CFH: variants seen among roughly 807,000 people sequenced by gnomAD.
CFH encodes H factor 1 (complement).
CFH carries 53 observed loss-of-function variants against 147.3 expected under a neutral mutation model. The ratio of observed to expected loss-of-function variants is 0.36; its 90% confidence interval spans 0.29 to 0.45. The LOEUF (loss-of-function observed/expected upper bound fraction) is 0.45. Ranked by LOEUF, CFH falls within the 20% of genes least tolerant of loss-of-function variation. The pLI is 1.00. For missense variants in CFH, 1,380 were observed against 1,498.0 expected (o/e 0.92, Z 1.30); for synonymous variants, 536 against 489.4 (o/e 1.10, Z -1.26).
intron 2 of CFH, 37 bp from the exon 3 acceptor site, chr1:196,673,819 TA>T (rs1207678423): frequency 3.3e-6 from 4 of 1,214,168 alleles, no homozygotes; most frequent in Non-Finnish European, 4.9e-6. Flanking sequence ...TATTCCTTGC[TA>T]TTACATACTA....
intron 11 of CFH, among the ~76,000 whole-genome samples, chr1:196,716,252 TAGA>T (rs1306439354): frequency 2.6e-5 from 4 of 152,124 alleles, no homozygotes; most frequent in Admixed American, 1.3e-4. Context: ...TTTTCAGGGT[TAGA>T]AGAAGGATTG....
At chr1:196,698,115 T>C (rs886546172) in intron 9 of CFH, among the ~76,000 whole-genome samples, 1 of 151,996 alleles carries the variant, frequency 6.6e-6, no homozygotes, top group Non-Finnish European at 1.5e-5. Flanking sequence ...GTAACTAACC[T>C]GCACGTAGTG....
intron 15 of CFH, among the ~76,000 whole-genome samples, chr1:196,734,244 T>C (rs1669346060): frequency 6.6e-6 from 1 of 152,152 alleles, no homozygotes; most frequent in Non-Finnish European, 1.5e-5. Flanking sequence ...TGTTGCCTGT[T>C]AAGTAGGAGT....
rs750250883 is a variant in CFH, at chr1:196,652,112, C to CA, written c.1dup. On this transcript the variant is annotated 5_prime_UTR_variant, in exon 1 of 22. Coordinates refer to ENST00000367429, the MANE Select transcript of CFH (RefSeq NM_000186.4). ...CTGGTAAATGTCCTCTTAAAAGATCCAAAAAATGAGACTTCTAGCAAAGAT... is the reference window on the plus strand; with the variant it reads ...CTGGTAAATGTCCTCTTAAAAGATCCAAAAAAATGAGACTTCTAGCAAAGAT... The CA allele has an allele frequency of 1.2e-6, 2 of 1,605,866 alleles. No homozygotes were observed. Among genetic ancestry groups the CA allele is most frequent in the Non-Finnish European group, 1.7e-6 (2 of 1,172,684 alleles).
chr1:196,711,446 G>A (rs1419164326), intron 9 of CFH, among the ~76,000 whole-genome samples: 1 of 151,898 alleles, frequency 6.6e-6, no homozygotes, highest in Admixed American at 6.6e-5. Flanking sequence ...GGTGTGAAGA[G>A]GGTATTATTA....
At chr1:196,667,653 T>A (rs534751517) in intron 1 of CFH, among the ~76,000 whole-genome samples, 1 of 152,244 alleles carries the variant, frequency 6.6e-6, no homozygotes, top group African/African-American at 2.4e-5. Context: ...TTTGTATGTT[T>A]AGTATGGTGA....
chr1:196,714,027 A>G, intron 10 of CFH, 110 bp downstream of exon 10: 2 of 971,976 alleles, frequency 2.1e-6, no homozygotes, highest in Non-Finnish European at 3.1e-6. Flanking sequence ...GATAAGAAAA[A>G]AAAACCTGCA....
In CFH at chr1:196,736,939, T is replaced by C; in HGVS notation, c.2529T>C (p.Tyr843=). The change falls in exon 16 of 22, where the codon TAT becomes TAC. Residue 843 remains tyrosine (Y), a synonymous_variant. Transcript: ENST00000367429. ...EKVSVLCQEN[Y]LIQEGEEITC... is the part of the protein sequence containing the mutation. ...TATCTGTTCTTTGCCAAGAAAATTA[T>C]CTAATTCAGGAAGGAGAAGAAATTA... 3 of 1,612,082 alleles carry C rather than the reference T, an allele frequency of 1.9e-6. No individual in the cohort carries two copies. Among genetic ancestry groups the C allele is most frequent in the South Asian group, 2.2e-5 (2 of 90,970 alleles).
Position 196,747,403 on chromosome 1 carries a change from T to C in CFH, c.*90T>C. On this transcript the variant is annotated 3_prime_UTR_variant, in exon 22 of 22. Coordinates refer to ENST00000367429, the MANE Select transcript of CFH (RefSeq NM_000186.4). ...TTTTATGTATTGTTTTACTCCTTTT[T>C]ATTCATACGTAAAATTTTGGATTAA... 1.3e-6 allele frequency: 2 copies of C among 1,505,450 alleles called. No individual in the cohort carries two copies. Among genetic ancestry groups the C allele is most frequent in the Non-Finnish European group, 1.8e-6 (2 of 1,094,632 alleles). The allele number at this position is 1,505,450 out of a possible 1,614,324, so 93.3% of individuals were successfully genotyped here.
chr1:196,666,591 G>A (rs952492722), intron 1 of CFH, among the ~76,000 whole-genome samples: 1 of 151,588 alleles, frequency 6.6e-6, no homozygotes, highest in Non-Finnish European at 1.5e-5. Flanking sequence ...GAGGTCAGGA[G>A]ATTGAGACCA....
chr1:196,690,496 T>C, intron 9 of CFH: 2 of 521,324 alleles, frequency 3.8e-6, no homozygotes, highest in Non-Finnish European at 6.9e-6. Flanking sequence ...ACAATACTTG[T>C]TGGTTAAATG....
intron 9 of CFH, among the ~76,000 whole-genome samples, chr1:196,702,608 C>A (rs946730000): frequency 6.6e-6 from 1 of 151,068 alleles, no homozygotes; most frequent in Non-Finnish European, 1.5e-5. Context: ...GAGCAGGCAC[C>A]CCCAATTTGC....
chr1:196,726,623 G>A lies in CFH; in HGVS notation c.2027G>A (p.Gly676Glu), dbSNP rs1558178947. The A allele has an allele frequency of 1.2e-6, 2 of 1,611,790 alleles. No homozygotes were observed. Among genetic ancestry groups the A allele is most frequent in the Non-Finnish European group, 1.7e-6 (2 of 1,178,100 alleles). ...CCTAATAAAATTCAATGTGTTGATGGAGAGTGGACAACTTTACCAGTGTGT... is the reference window on the plus strand; with the variant it reads ...CCTAATAAAATTCAATGTGTTGATGAAGAGTGGACAACTTTACCAGTGTGT... ...KGPNKIQCVDGEWTTLPVCIV... is the reference protein window; with the variant it reads ...KGPNKIQCVDEEWTTLPVCIV... Residue 676 changes from glycine to glutamate, a missense_variant, in exon 13 of 22, where the codon GGA (glycine) becomes GAA (glutamate). Physicochemically the swap from Gly to Glu is moderately conservative, Grantham distance 98 (BLOSUM62 -2). Transcript: ENST00000367429.
chr1:196,731,761 T>C (rs1344939910), intron 15 of CFH, among the ~76,000 whole-genome samples: 1 of 152,008 alleles, frequency 6.6e-6, no homozygotes, highest in Non-Finnish European at 1.5e-5. Context: ...AATAGTGGAA[T>C]CTAGAATTAT....
chr1:196,745,297 TTTG>T (rs778440439), intron 20 of CFH, among the ~76,000 whole-genome samples: 6 of 152,116 alleles, frequency 3.9e-5, no homozygotes, highest in Non-Finnish European at 8.8e-5. Context: ...ATCGGCATTA[TTTG>T]TTGTTGTATT....
At chr1:196,657,126 T>C (rs537865941) in intron 1 of CFH, among the ~76,000 whole-genome samples, 1 of 151,968 alleles carries the variant, frequency 6.6e-6, no homozygotes, top group Non-Finnish European at 1.5e-5. Context: ...CACACCTAGC[T>C]AAATTTTTTT....
At chr1:196,655,540 T>C (rs948792042) in intron 1 of CFH, among the ~76,000 whole-genome samples, 1 of 152,234 alleles carries the variant, frequency 6.6e-6, no homozygotes, top group Non-Finnish European at 1.5e-5. Context: ...ATGTTCTTCA[T>C]GTGTGGCCTT....
intron 1 of CFH, among the ~76,000 whole-genome samples, chr1:196,666,849 T>G (rs527456904): frequency 6.6e-6 from 1 of 151,978 alleles, no homozygotes; most frequent in South Asian, 2.1e-4. Flanking sequence ...TCAAAAATTT[T>G]GTGAATTTTC....
intron 1 of CFH, among the ~76,000 whole-genome samples, chr1:196,664,009 C>A (rs1457159471): frequency 1.3e-5 from 2 of 152,146 alleles, no homozygotes; most frequent in Non-Finnish European, 1.5e-5. Flanking sequence ...GTCTCGTCAG[C>A]TTTCTAAATG....
Sources: gnomAD v4.1 joint callset for allele counts (sites outside exome capture counted in the v4.1 genomes callset) on GRCh38, gnomAD v4.1.1 for gene constraint, MANE v1.5 for transcripts, NCBI Gene and HGNC (gene_info 2026-07-23, HGNC 2026-07-21) for gene names.